Variants in ARMH3 observed in about 807,000 individuals in gnomAD.
The protein encoded by ARMH3 is armadillo like helical domain containing 3.
In ARMH3, 60 loss-of-function variants were observed where a neutral mutation model predicts 99.1. The ratio of observed to expected loss-of-function variants is 0.61; its 90% CI spans 0.49 to 0.75. The LOEUF (loss-of-function observed/expected upper bound fraction) is 0.75, where lower values mean the gene tolerates loss of function less well. Among genes scored for constraint, ARMH3 ranks in the 30% least tolerant of loss-of-function variants. The pLI, the probability that ARMH3 is intolerant of heterozygous loss-of-function variation, is 0.00. For missense variants in ARMH3, 679 were observed against 843.1 expected, an observed-to-expected ratio of 0.81 and a Z score of 2.41; for synonymous variants, 285 against 292.8, an observed-to-expected ratio of 0.97 and a Z score of 0.27.
intron 15 of ARMH3, 122 bp downstream of exon 15, chr10:102,001,849 C>T: frequency 1.2e-6 from 1 of 843,692 alleles, no homozygotes; most frequent in South Asian, 1.8e-5. Flanking sequence ...GCAATGAAGA[C>T]CATGTACACA....
chr10:101,913,327 GA>G lies in ARMH3; in HGVS notation c.1782-23838del, dbSNP rs148255027. The G allele has an allele frequency of 2.2e-3, 318 of 147,106 alleles. 4 individuals carry two copies. Among genetic ancestry groups the G allele is most frequent in the African/African-American group, 7.6e-3 (304 of 40,150 alleles). The allele number at this position is 147,106 out of a possible 1,614,324, so 9.1% of individuals were successfully genotyped here. The stretch of plus-strand genomic sequence containing the variant: ...AAGCTCTTGGTTAAAAGGACAGACA[GA>G]AGGAAGTACATTCTCTCTCTCTCTC... On this transcript the variant is annotated intron_variant, in intron 23 of 25. Transcript: ENST00000370033.
chr10:101,980,295 G>T (rs1035380970), intron 19 of ARMH3, among the ~76,000 whole-genome samples: 4 of 152,124 alleles, frequency 2.6e-5, no homozygotes, highest in African/African-American at 4.8e-5. Context: ...TCTTTCGGGG[G>T]TTTTGTTTTG....
At chr10:101,975,368 CT>C in intron 19 of ARMH3, 68 bp from the exon 20 acceptor site, 1 of 1,246,546 alleles carries the variant, frequency 8.0e-7, no homozygotes, top group East Asian at 2.4e-5. Context: ...GAGATCCCTT[CT>C]TAGTGAGCCA....
chr10:101,884,693 C>T (rs1043639171), intron 24 of ARMH3, among the ~76,000 whole-genome samples: 1 of 151,884 alleles, frequency 6.6e-6, no homozygotes, highest in African/African-American at 2.4e-5. Context: ...AGGGGAAAAG[C>T]TTCATAACAT....
At chr10:101,858,763 A>G (rs2066791724) in intron 24 of ARMH3, among the ~76,000 whole-genome samples, 1 of 152,210 alleles carries the variant, frequency 6.6e-6, no homozygotes, top group Non-Finnish European at 1.5e-5. Flanking sequence ...ACAACATGCC[A>G]TTACGACTGA....
At chr10:101,929,006 T>C (rs190494513) in intron 23 of ARMH3, among the ~76,000 whole-genome samples, 2 of 152,282 alleles carry the variant, frequency 1.3e-5, no homozygotes, top group Non-Finnish European at 2.9e-5. Context: ...GCTGGGATTA[T>C]AGGCATGAGC....
chr10:101,862,048 CAAAAAAAAAAAA>C (rs34359012), intron 24 of ARMH3, among the ~76,000 whole-genome samples: 1 of 36,338 alleles, frequency 2.8e-5, no homozygotes, highest in South Asian at 1.6e-3. Context: ...GATTCCCTCT[CAAAAAAAAAAAA>C]AAAAAAAAAA....
chr10:101,875,121 A>G (rs562406461), intron 24 of ARMH3, among the ~76,000 whole-genome samples: 28 of 152,328 alleles, frequency 1.8e-4, no homozygotes, highest in African/African-American at 6.5e-4. Context: ...TTACTGCACT[A>G]AAGATACTTA....
intron 24 of ARMH3, among the ~76,000 whole-genome samples, chr10:101,850,694 G>A (rs2066579785): frequency 6.6e-6 from 1 of 152,100 alleles, no homozygotes; most frequent in Admixed American, 6.6e-5. Context: ...AAAAGTGCTG[G>A]GATTACAGGC....
rs1846823137 is a variant in ARMH3, at chr10:101,992,056, GAAGA to G, written c.1276-22_1276-19del. On this transcript the variant is annotated intron_variant, in intron 17 of 25. Transcript: ENST00000370033. ...CTCATAGGCTTCACACCAAAAAAAT[GAAGA>G]AAGGAAATTAGTAGACACCGGCACT... The G allele has an allele frequency of 4.3e-6, 7 of 1,609,604 alleles. No homozygotes were observed. Among genetic ancestry groups the G allele is most frequent in the Non-Finnish European group, 6.0e-6 (7 of 1,175,966 alleles).
intron 24 of ARMH3, among the ~76,000 whole-genome samples, chr10:101,864,248 T>C (rs1397311203): frequency 6.6e-6 from 1 of 151,996 alleles, no homozygotes; most frequent in African/African-American, 2.4e-5. Context: ...AGGAAACAGG[T>C]GCTGGAGAGG....
rs543803460 is a variant in ARMH3, at chr10:101,936,648, C to T, written c.1781+3215G>A. 6.6e-5 allele frequency among the ~76,000 whole-genome samples: 10 copies of T among 151,932 alleles called. No individual in the cohort carries two copies. In the East Asian group the frequency reaches 1.9e-3, roughly 29 times the overall value. ...ATTATCATATGACACAGCAATTCCT[C>T]CTCTGGGGATATGTCCCCAAAAAGT... On this transcript the variant is annotated intron_variant, in intron 23 of 25. Coordinates refer to ENST00000370033, the MANE Select transcript of ARMH3 (RefSeq NM_024541.3).
chr10:102,012,961 ACTAATT>A (rs1590182682), intron 9 of ARMH3, 85 bp from the exon 10 acceptor site: 1 of 1,211,014 alleles, frequency 8.3e-7, no homozygotes, highest in African/African-American at 1.5e-5. Context: ...CAGAAAGAAC[ACTAATT>A]AGCCCAAGAA....
At chr10:102,049,157 A>C (rs2067629814) in intron 1 of ARMH3, among the ~76,000 whole-genome samples, 1 of 152,162 alleles carries the variant, frequency 6.6e-6, no homozygotes. Flanking sequence ...CCCCACTTCC[A>C]TCCAAAAGAC....
At chr10:101,947,646 CA>C in intron 22 of ARMH3, among the ~76,000 whole-genome samples, 1 of 151,958 alleles carries the variant, frequency 6.6e-6, no homozygotes, top group Admixed American at 6.5e-5. Context: ...ACTAAAAATA[CA>C]AAATTAGCCG....
intron 24 of ARMH3, among the ~76,000 whole-genome samples, chr10:101,869,047 G>C (rs1473137903): frequency 6.6e-6 from 1 of 151,282 alleles, no homozygotes; most frequent in African/African-American, 2.4e-5. Flanking sequence ...ACTCCAGCTT[G>C]GGAGACAGAG....
chr10:101,998,233 G>A (rs1847150521), intron 15 of ARMH3, among the ~76,000 whole-genome samples: 1 of 152,194 alleles, frequency 6.6e-6, no homozygotes, highest in African/African-American at 2.4e-5. Context: ...CATCCATGCA[G>A]TGTCTCTATT....
At chr10:102,045,404 T>G (rs1334591741) in intron 1 of ARMH3, among the ~76,000 whole-genome samples, 1 of 152,098 alleles carries the variant, frequency 6.6e-6, no homozygotes, top group Admixed American at 6.6e-5. Context: ...TACTCTCAAC[T>G]GAGAGATTAA....
intron 24 of ARMH3, among the ~76,000 whole-genome samples, chr10:101,857,328 T>C (rs1172125351): frequency 6.6e-6 from 1 of 152,058 alleles, no homozygotes; most frequent in African/African-American, 2.4e-5. Flanking sequence ...AGTGGTGGCA[T>C]GTGCCTGTAA....
Sources: gnomAD v4.1 joint callset for allele counts (sites outside exome capture counted in the v4.1 genomes callset) on GRCh38, gnomAD v4.1.1 for gene constraint, MANE v1.5 for transcripts, NCBI Gene and HGNC (gene_info 2026-07-23, HGNC 2026-07-21) for gene names.